The following ADGRL3 variants were observed in gnomAD, a reference collection of about 807,000 sequenced individuals.
ADGRL3 encodes the protein calcium-independent alpha-latrotoxin receptor 3.
ADGRL3 carries 62 observed loss-of-function variants against 153.5 expected under a neutral mutation model. The ratio of observed to expected loss-of-function variants is 0.40; its 90% CI spans 0.33 to 0.50. ADGRL3 has a LOEUF of 0.50. Among genes scored for constraint, ADGRL3 ranks in the 20% least tolerant of loss-of-function variants. The pLI is 0.47. For missense variants in ADGRL3, 1,641 were observed against 1,859.4 expected, an observed-to-expected ratio of 0.88 and a Z score of 2.16; for synonymous variants, 710 against 672.5, an observed-to-expected ratio of 1.06 and a Z score of -0.86.
chr4:61,924,117 T>C (rs2098783300), intron 13 of ADGRL3, among the ~76,000 whole-genome samples: 1 of 152,122 alleles, frequency 6.6e-6, no homozygotes, highest in African/African-American at 2.4e-5. Flanking sequence ...ATTAATGACT[T>C]CTAAATGCTG....
Position 62,075,642 on chromosome 4 carries a change from G to A in ADGRL3, c.*4734G>A, listed in dbSNP as rs1298286301. On this transcript the variant is annotated 3_prime_UTR_variant, in exon 27 of 27. Coordinates refer to ENST00000683033, the MANE Select transcript of ADGRL3 (RefSeq NM_001387552.1). ...CAATTACTATGCATTTCTAAGTAAC[G>A]TTTTCAATATAGCTTATATTAGATT... 2 of 151,970 alleles carry A rather than the reference G, an allele frequency of 1.3e-5. No individual in the cohort carries two copies. Among genetic ancestry groups the A allele is most frequent in the African/African-American group, 4.8e-5 (2 of 41,366 alleles). 9.4% of individuals were successfully genotyped at this position (151,970 alleles called of 1,614,324 possible). A position where few individuals can be genotyped will look rare whatever the true frequency, so the allele number is the denominator to read the frequency against.
In ADGRL3 at chr4:61,768,523, C is replaced by A. The variant is rs181318911; in HGVS notation, c.1399+34969C>A. Among the ~76,000 whole-genome samples, 183 of 152,132 alleles carry A rather than the reference C, an allele frequency of 1.2e-3. No homozygotes were observed. The East Asian group carries it at 0.025, about 21-fold the overall frequency. Reference sequence around the variant, plus strand: ...TGCCTGGACTTCAGGCACCTCAGACCATTTGCCCATTTTACGACAAGAATT... The same window carrying A: ...TGCCTGGACTTCAGGCACCTCAGACAATTTGCCCATTTTACGACAAGAATT... On this transcript the variant is annotated intron_variant, in intron 8 of 26. Coordinates refer to ENST00000683033, the MANE Select transcript of ADGRL3 (RefSeq NM_001387552.1).
rs188607354 is a variant in ADGRL3 at position 61,684,562 on chromosome 4, G to A, written c.583+7627G>A. On this transcript the variant is annotated intron_variant, in intron 6 of 26. Coordinates refer to ENST00000683033, the MANE Select transcript of ADGRL3 (RefSeq NM_001387552.1). ...TGTGACCAGGAAGGATCAGATCCCC[G>A]TAAAGACTTTAGAGCAAAGACTGCA... Among the ~76,000 whole-genome samples the A allele has an allele frequency of 1.3e-4, 20 of 152,178 alleles. No homozygotes were observed. In the East Asian group the frequency reaches 2.1e-3, roughly 16 times the overall value.
chr4:61,916,486 G>A (rs2098745690), intron 13 of ADGRL3, among the ~76,000 whole-genome samples: 1 of 150,332 alleles, frequency 6.7e-6, no homozygotes, highest in Non-Finnish European at 1.5e-5. Flanking sequence ...AAAAAATAGA[G>A]AGTTTTAAGT....
At chr4:61,337,143 T>A (rs1361950066) in intron 1 of ADGRL3, among the ~76,000 whole-genome samples, 1 of 152,170 alleles carries the variant, frequency 6.6e-6, no homozygotes, top group Non-Finnish European at 1.5e-5. Context: ...CTGATCCTTG[T>A]AAGCTCCTGC....
chr4:61,869,973 AGAAAGAGAGAGAGAGAGG>A (rs1258173795), intron 9 of ADGRL3, among the ~76,000 whole-genome samples: 2 of 100,822 alleles, frequency 2.0e-5, no homozygotes, highest in Admixed American at 1.1e-4. Context: ...AGAGAGAGAG[AGAAAGAGAGAGAGAGAGG>A]GAGAGAGAGA....
intron 3 of ADGRL3, among the ~76,000 whole-genome samples, 186 bp downstream of exon 3, chr4:61,497,534 C>T (rs2880589): frequency 4.0e-4 from 47 of 118,872 alleles, no homozygotes; most frequent in South Asian, 5.4e-4. Flanking sequence ...TTTTTTTTTT[C>T]AGTCAGAGCC....
At chr4:61,215,819 T>A (rs1033246047) in intron 1 of ADGRL3, among the ~76,000 whole-genome samples, 7 of 152,084 alleles carry the variant, frequency 4.6e-5, no homozygotes, top group African/African-American at 1.4e-4. Flanking sequence ...CCCAAAGTGC[T>A]GGGATTACAG....
chr4:61,732,650 G>T, intron 7 of ADGRL3, 104 bp from the exon 8 acceptor site: 1 of 521,456 alleles, frequency 1.9e-6, no homozygotes, highest in Admixed American at 3.7e-5. Flanking sequence ...AGTGATGGTG[G>T]GTATCTCTTG....
intron 3 of ADGRL3, among the ~76,000 whole-genome samples, chr4:61,511,780 C>G (rs1312145768): frequency 6.6e-6 from 1 of 152,084 alleles, no homozygotes; most frequent in African/African-American, 2.4e-5. Flanking sequence ...TAGCTGTTTT[C>G]TTATAAGACC....
chr4:61,614,612 A>G (rs2091785928), intron 5 of ADGRL3, among the ~76,000 whole-genome samples: 1 of 152,166 alleles, frequency 6.6e-6, no homozygotes, highest in Non-Finnish European at 1.5e-5. Flanking sequence ...TAGAGAAAGA[A>G]AATCCAGGAT....
intron 17 of ADGRL3, among the ~76,000 whole-genome samples, chr4:61,954,563 G>A (rs1054141618): frequency 3.3e-5 from 5 of 151,938 alleles, no homozygotes; most frequent in Non-Finnish European, 7.4e-5. Flanking sequence ...CTCAGTAAGA[G>A]CAAAATCTCA....
chr4:61,392,485 AG>A, intron 2 of ADGRL3, among the ~76,000 whole-genome samples: 1 of 151,490 alleles, frequency 6.6e-6, no homozygotes, highest in Admixed American at 6.6e-5. Flanking sequence ...CAGGAGATCG[AG>A]ACCATCCTGG....
At chr4:61,375,300 T>C (rs2096590507) in intron 1 of ADGRL3, among the ~76,000 whole-genome samples, 1 of 152,130 alleles carries the variant, frequency 6.6e-6, no homozygotes, top group South Asian at 2.1e-4. Context: ...GAAAGTACAG[T>C]TTTGTGAACT....
At chr4:61,494,842 T>C (rs1020177889) in intron 2 of ADGRL3, among the ~76,000 whole-genome samples, 2 of 152,158 alleles carry the variant, frequency 1.3e-5, no homozygotes, top group Non-Finnish European at 2.9e-5. Context: ...TATACAATAG[T>C]AATCAATAAA....
intron 6 of ADGRL3, among the ~76,000 whole-genome samples, chr4:61,680,799 A>G (rs764836379): frequency 6.8e-4 from 104 of 152,122 alleles, no homozygotes; most frequent in Middle Eastern, 6.8e-3. Context: ...AGTGTTTTGT[A>G]CTTATTTTTC....
chr4:61,969,692 A>G (rs962657837), intron 17 of ADGRL3, among the ~76,000 whole-genome samples: 1 of 152,148 alleles, frequency 6.6e-6, no homozygotes, highest in Non-Finnish European at 1.5e-5. Flanking sequence ...CAGGGTCACA[A>G]TGCATGTGGG....
chr4:61,722,340 C>T (rs1319366514), intron 6 of ADGRL3, among the ~76,000 whole-genome samples: 2 of 152,062 alleles, frequency 1.3e-5, no homozygotes, highest in Non-Finnish European at 2.9e-5. Flanking sequence ...AAGTTTCTAT[C>T]ATCATTTCAT....
At chr4:61,488,879 C>T (rs1270522735) in intron 2 of ADGRL3, among the ~76,000 whole-genome samples, 2 of 151,892 alleles carry the variant, frequency 1.3e-5, no homozygotes, top group Non-Finnish European at 2.9e-5. Flanking sequence ...GTACCATGAC[C>T]AATTTAATCT....
Sources: allele counts gnomAD v4.1 joint callset (sites outside exome capture counted in the v4.1 genomes callset), GRCh38; gene constraint gnomAD v4.1.1; transcripts MANE v1.5; gene names NCBI Gene and HGNC (gene_info 2026-07-23, HGNC 2026-07-21).